IMMP1L: variants seen among roughly 807,000 people sequenced by gnomAD.
The protein encoded by IMMP1L is inner mitochondrial membrane peptidase subunit 1.
A neutral mutation model predicts 21.8 loss-of-function variants in IMMP1L; 24 were observed. The observed-to-expected ratio is 1.10, with a 90% confidence interval of 0.80 to 1.55. The LOEUF (loss-of-function observed/expected upper bound fraction) is 1.55. IMMP1L is among the 40% of genes most tolerant of loss of function. IMMP1L has a pLI of 0.00. For missense variants in IMMP1L, 195 were observed against 200.7 expected, an observed-to-expected ratio of 0.97 and a Z score of 0.17; for synonymous variants, 46 against 62.8, an observed-to-expected ratio of 0.73 and a Z score of 1.26.
intron 4 of IMMP1L, chr11:31,452,979 T>C: frequency 4.3e-6 from 4 of 927,396 alleles, no homozygotes; most frequent in Non-Finnish European, 5.9e-6. Flanking sequence ...CTCAAACTCT[T>C]GACCTCAGGT....
At chr11:31,482,981 A>T (rs1353750029) in intron 1 of IMMP1L, among the ~76,000 whole-genome samples, 1 of 152,098 alleles carries the variant, frequency 6.6e-6, no homozygotes, top group African/African-American at 2.4e-5. Flanking sequence ...TCACAACTAC[A>T]TGCAGCAATA....
intron 4 of IMMP1L, among the ~76,000 whole-genome samples, chr11:31,453,725 G>T (rs1953840868): frequency 6.6e-6 from 1 of 152,114 alleles, no homozygotes; most frequent in African/African-American, 2.4e-5. Context: ...AGAAAAACTG[G>T]CAAGGGAGAA....
chr11:31,505,446 C>G (rs942014137), intron 1 of IMMP1L, among the ~76,000 whole-genome samples: 5 of 152,154 alleles, frequency 3.3e-5, no homozygotes, highest in African/African-American at 1.2e-4. Flanking sequence ...GTAGAAGAAG[C>G]AGTGCCAGAA....
chr11:31,455,859 T>TAGCCTC (rs1953920859), intron 4 of IMMP1L, among the ~76,000 whole-genome samples: 1 of 152,148 alleles, frequency 6.6e-6, no homozygotes. Context: ...CTACCTTATG[T>TAGCCTC]TGATATGTAG....
At chr11:31,433,868 G>A in intron 4 of IMMP1L, 2 of 206,572 alleles carry the variant, frequency 9.7e-6, no homozygotes, top group Non-Finnish European at 1.9e-5. Context: ...GTGTGACAGG[G>A]TCATTAATTT....
At chr11:31,483,503 G>A (rs1954969326) in intron 1 of IMMP1L, among the ~76,000 whole-genome samples, 1 of 151,902 alleles carries the variant, frequency 6.6e-6, no homozygotes, top group Non-Finnish European at 1.5e-5. Context: ...ATAAATGGAA[G>A]ACATTTATAA....
intron 1 of IMMP1L, among the ~76,000 whole-genome samples, chr11:31,479,307 T>C (rs1954817016): frequency 6.6e-6 from 1 of 152,026 alleles, no homozygotes; most frequent in African/African-American, 2.4e-5. Flanking sequence ...TTTAAACATA[T>C]CTGTACAATG....
At chr11:31,432,963 C>G (rs916068934) in intron 5 of IMMP1L, among the ~76,000 whole-genome samples, 1 of 152,148 alleles carries the variant, frequency 6.6e-6, no homozygotes, top group African/African-American at 2.4e-5. Flanking sequence ...AATTATCCAA[C>G]AGCTCCATGT....
intron 4 of IMMP1L, among the ~76,000 whole-genome samples, chr11:31,449,999 G>C (rs1189463243): frequency 6.6e-6 from 1 of 152,058 alleles, no homozygotes; most frequent in Non-Finnish European, 1.5e-5. Flanking sequence ...ATACAGGGTA[G>C]CTACTATGGT....
chr11:31,480,299 T>C lies in IMMP1L; in HGVS notation c.-29-16994A>G, dbSNP rs370489517. On this transcript the variant is annotated intron_variant, in intron 1 of 5. Coordinates refer to ENST00000532287, the MANE Select transcript of IMMP1L (RefSeq NM_001304274.2). ...TCACAAAATAAAAAGGTCAACATTA[T>C]AAATTATTAGTAGGCTGCTTTTCTA... is the stretch of plus-strand genomic sequence containing the variant. Among the ~76,000 whole-genome samples the C allele has an allele frequency of 3.3e-5, 5 of 152,192 alleles. No individual in the cohort carries two copies. The South Asian group carries it at 1.0e-3, about 32-fold the overall frequency.
chr11:31,455,704 T>A (rs1199891810), intron 4 of IMMP1L, among the ~76,000 whole-genome samples: 2 of 152,218 alleles, frequency 1.3e-5, no homozygotes, highest in Non-Finnish European at 2.9e-5. Context: ...ATGTTTTTTA[T>A]GACCTTGACA....
intron 1 of IMMP1L, among the ~76,000 whole-genome samples, chr11:31,501,859 C>T (rs1223115): frequency 0.38 from 58,213 of 151,276 alleles, 14,422 homozygotes; most frequent in African/African-American, 0.71. Flanking sequence ...ATGCTTGTAA[C>T]CCCAGCTACT....
intron 3 of IMMP1L, among the ~76,000 whole-genome samples, chr11:31,459,155 G>A (rs1401390811): frequency 6.6e-6 from 1 of 152,198 alleles, no homozygotes; most frequent in African/African-American, 2.4e-5. Flanking sequence ...GTTGTTATGG[G>A]TAAAAGATTT....
chr11:31,471,161 T>C (rs986241696), intron 1 of IMMP1L, among the ~76,000 whole-genome samples: 2 of 152,248 alleles, frequency 1.3e-5, no homozygotes, highest in Admixed American at 6.5e-5. Flanking sequence ...GTGATAGATA[T>C]GTTAATTACT....
intron 3 of IMMP1L, among the ~76,000 whole-genome samples, chr11:31,460,146 G>A (rs545857465): frequency 1.3e-5 from 2 of 152,134 alleles, no homozygotes; most frequent in Non-Finnish European, 2.9e-5. Context: ...GCCAGAGCAA[G>A]ACCTCATCCA....
At chr11:31,451,526 T>C (rs1953757249) in intron 4 of IMMP1L, among the ~76,000 whole-genome samples, 1 of 152,128 alleles carries the variant, frequency 6.6e-6, no homozygotes. Flanking sequence ...AGGATAACTC[T>C]AAGGTTTGTG....
chr11:31,460,729 A>G lies in IMMP1L; in HGVS notation c.106-15T>C, dbSNP rs1462930113. 2.1e-6 allele frequency: 3 copies of G among 1,459,140 alleles called. No homozygotes were observed. The highest frequency in any genetic ancestry group is 2.9e-6 in the Non-Finnish European group (3 of 1,047,622). The allele number at this position is 1,459,140 out of a possible 1,614,324, so 90.4% of individuals were successfully genotyped here. A position where few individuals can be genotyped will look rare whatever the true frequency, so the allele number is the denominator to read the frequency against. On this transcript the variant is annotated splice_polypyrimidine_tract_variant and intron_variant, in intron 2 of 5. Coordinates refer to ENST00000532287, the MANE Select transcript of IMMP1L (RefSeq NM_001304274.2). The stretch of plus-strand genomic sequence containing the variant: ...GGTCCAGAACACTGAAAAGAGAGGT[A>G]ATTTGTAATCTAAATTCAAAATCTC...
At chr11:31,439,195 C>A (rs1039263053) in intron 4 of IMMP1L, among the ~76,000 whole-genome samples, 17 of 152,008 alleles carry the variant, frequency 1.1e-4, no homozygotes, top group Non-Finnish European at 1.9e-4. Flanking sequence ...ATGTATAGAT[C>A]ACCTTCTCTT....
chr11:31,487,991 C>T (rs965843535), intron 1 of IMMP1L, among the ~76,000 whole-genome samples: 1 of 152,098 alleles, frequency 6.6e-6, no homozygotes, highest in Admixed American at 6.5e-5. Context: ...GTCCAACTAA[C>T]CAGTTATTTG....
Sources: allele counts gnomAD v4.1 joint callset (sites outside exome capture counted in the v4.1 genomes callset), GRCh38; gene constraint gnomAD v4.1.1; transcripts MANE v1.5; gene names NCBI Gene and HGNC (gene_info 2026-07-23, HGNC 2026-07-21).